The following CENPF variants were observed in gnomAD, a reference collection of about 807,000 sequenced individuals.
The protein encoded by CENPF is centromere protein F.
CENPF carries 214 observed loss-of-function variants against 307.3 expected under a neutral mutation model. That is an observed-to-expected ratio of 0.70 (90% CI 0.62 to 0.78). CENPF has a LOEUF of 0.78. Ranked by LOEUF, CENPF falls within the 30% of genes least tolerant of loss-of-function variation. The pLI is 0.00. For missense variants in CENPF, 3,401 were observed against 3,483.9 expected (o/e 0.98, Z 0.60); for synonymous variants, 1,259 against 1,270.6 (o/e 0.99, Z 0.19).
At chr1:214,606,231 G>A (rs1657027100) in intron 1 of CENPF, among the ~76,000 whole-genome samples, 1 of 152,146 alleles carries the variant, frequency 6.6e-6, no homozygotes, top group Non-Finnish European at 1.5e-5. Flanking sequence ...CACCAGTCCC[G>A]AGGGCCACCC....
chr1:214,613,691 A>C (rs1657258146), intron 1 of CENPF, 23 bp from the exon 2 acceptor site: 1 of 1,457,794 alleles, frequency 6.9e-7, no homozygotes, highest in Non-Finnish European at 9.2e-7. Flanking sequence ...TGGTAAGACC[A>C]ACAGTCTGGT....
At chr1:214,613,069 C>T in intron 1 of CENPF, 1 of 340,262 alleles carries the variant, frequency 2.9e-6, no homozygotes, top group Admixed American at 3.5e-5. Context: ...ATGAATTCTG[C>T]CATTTTGCTA....
rs1428069202 is a variant in CENPF, at chr1:214,608,351, C to T, written c.-42+5030C>T. 5.6e-6 allele frequency: 9 copies of T among 1,610,930 alleles called. No individual in the cohort carries two copies. The East Asian group carries it at 2.0e-4, about 36-fold the overall frequency. Reference sequence around the variant, plus strand: ...GCCTGCCAGGCGGCGTCGATGTCGGCATAGAGGTTCCTCTCGGAAGGCCTA... The same window carrying T: ...GCCTGCCAGGCGGCGTCGATGTCGGTATAGAGGTTCCTCTCGGAAGGCCTA... On this transcript the variant is annotated intron_variant, in intron 1 of 19. Transcript: ENST00000366955.
In CENPF at chr1:214,637,892, T is replaced by C. The variant is rs754339513; in HGVS notation, c.1473T>C (p.Leu491=). Reference sequence around the variant, plus strand: ...AAATGAAGAAGGAAAACAACCTCCTTAAGAGTCACTCTGAGCAAAAGGCCA... The same window carrying C: ...AAATGAAGAAGGAAAACAACCTCCTCAAGAGTCACTCTGAGCAAAAGGCCA... ...MEEMKKENNL[L]KSHSEQKARE... Residue 491 remains leucine, a synonymous_variant, in exon 11 of 20, where the codon CTT becomes CTC. Coordinates refer to ENST00000366955, the MANE Select transcript of CENPF (RefSeq NM_016343.4). The C allele has an allele frequency of 3.1e-6, 5 of 1,611,366 alleles. No homozygotes were observed. In the African/African-American group the frequency reaches 6.7e-5, roughly 22 times the overall value.
At chr1:214,614,105 CT>C (rs1203701914) in intron 2 of CENPF, among the ~76,000 whole-genome samples, 189 bp downstream of exon 2, 3 of 131,532 alleles carry the variant, frequency 2.3e-5, no homozygotes, top group Non-Finnish European at 4.5e-5. Context: ...CCCCAATCCC[CT>C]TCTTTTTTTT....
rs1371004104 is a variant in CENPF, at chr1:214,642,122, A to G, written c.3784A>G (p.Lys1262Glu). 5 of 1,613,620 alleles carry G rather than the reference A, an allele frequency of 3.1e-6. No homozygotes were observed. The African/African-American group carries it at 6.7e-5, about 22-fold the overall frequency. Residue 1262 changes from lysine to glutamate, a missense_variant, in exon 12 of 20, where the codon AAA becomes GAA. By Grantham distance (56) the Lys-to-Glu change is moderately conservative (BLOSUM62 1). Transcript: ENST00000366955. ...DMQSQEISGLKDCEIDAEEKY... is the reference protein window; with the variant it reads ...DMQSQEISGLEDCEIDAEEKY... ...GCAGTCACAAGAAATTAGTGGCCTT[A>G]AAGACTGTGAAATAGATGCGGAAGA... is the stretch of plus-strand genomic sequence containing the variant.
chr1:214,609,463 G>T (rs1404762152), intron 1 of CENPF, among the ~76,000 whole-genome samples: 1 of 152,180 alleles, frequency 6.6e-6, no homozygotes, highest in East Asian at 1.9e-4. Flanking sequence ...GAGGGACAAA[G>T]TGTGAGTGGT....
At position 214,642,023 on chromosome 1, in the gene CENPF, A is replaced by T. The variant is rs1471369267; in HGVS notation, c.3685A>T (p.Lys1229Ter). Residue 1229 changes from lysine to a stop codon, truncating the protein, a stop_gained, in exon 12 of 20, where the codon AAG becomes TAG. Coordinates refer to ENST00000366955, the MANE Select transcript of CENPF (RefSeq NM_016343.4). LOFTEE classifies it high-confidence loss of function. ...GGAATTAAAACTTCAGGAAAGTGAG[A>T]AGGAGAAGGAGTGCCTGCAGCATGA... ...NKELKLQESE[K>*]EKECLQHELQ... The T allele has an allele frequency of 6.2e-7, 1 of 1,610,596 alleles. No individual in the cohort carries two copies. Among genetic ancestry groups the T allele is most frequent in the Non-Finnish European group, 8.5e-7 (1 of 1,179,232 alleles).
Position 214,657,363 on chromosome 1 carries a change from A to G in CENPF, c.8916A>G (p.Glu2972=). The G allele has an allele frequency of 6.2e-7, 1 of 1,612,342 alleles. No individual in the cohort carries two copies. ...GTATTCACCCTGCAGAAGACACGGA[A>G]GGTACTGAGTTTGAGCCAGAGGGAC... ...MSGIHPAEDT[E]GTEFEPEGLP... is the part of the protein sequence containing the mutation. The change falls in exon 18 of 20, where the codon GAA becomes GAG. Residue 2972 remains glutamate, a synonymous_variant. Transcript: ENST00000366955.
intron 17 of CENPF, among the ~76,000 whole-genome samples, chr1:214,656,448 T>C (rs417082): frequency 0.53 from 80,722 of 151,908 alleles, 22,145 homozygotes; most frequent in East Asian, 0.88. Context: ...TTTCATCAGA[T>C]CCTCCATTGC....
chr1:214,638,757 T>C (rs1055923078), intron 11 of CENPF, among the ~76,000 whole-genome samples: 1 of 152,142 alleles, frequency 6.6e-6, no homozygotes, highest in African/African-American at 2.4e-5. Context: ...GAGGCGGAGA[T>C]TGCGCCACTG....
chr1:214,661,226 T>A (rs2102424507), intron 19 of CENPF, among the ~76,000 whole-genome samples: 1 of 152,340 alleles, frequency 6.6e-6, no homozygotes, highest in East Asian at 1.9e-4. Flanking sequence ...TAAGCAATTT[T>A]GTGCACTTGC....
In CENPF at chr1:214,622,245, G is replaced by A; in HGVS notation, c.1032G>A (p.Val344=). 6.2e-7 allele frequency: 1 copy of A among 1,614,084 alleles called. No individual in the cohort carries two copies. The highest frequency in any genetic ancestry group is 8.5e-7 in the Non-Finnish European group (1 of 1,179,978). ...TGAACAAATGTAGGGATGAACTAGT[G>A]AGAACAACAGCACAATACGACCAGG... ...KVLNKCRDEL[V]RTTAQYDQAS... The change falls in exon 7 of 20, where the codon GTG becomes GTA. Residue 344 remains valine (V), a synonymous_variant. Transcript: ENST00000366955.
At position 214,643,243 on chromosome 1, in the gene CENPF, A is replaced by G. The variant is rs1658183864; in HGVS notation, c.4905A>G (p.Ser1635=). The G allele has an allele frequency of 3.1e-6, 5 of 1,590,174 alleles. No homozygotes were observed. The highest frequency in any genetic ancestry group is 4.3e-6 in the Non-Finnish European group (5 of 1,171,682). Residue 1635 remains serine (S), a synonymous_variant, in exon 12 of 20, where the codon TCA becomes TCG. Transcript: ENST00000366955. ...AAEKKQTEQL[S]LELEVARLQL... The stretch of plus-strand genomic sequence containing the variant: ...AAAAGAAACAGACGGAACAACTGTC[A>G]CTTGAGCTGGAAGTAGCACGACTCC...
rs939995596 is a variant in CENPF, at chr1:214,659,694, C to T, written c.9141+666C>T. Among the ~76,000 whole-genome samples, 14 of 152,224 alleles carry T rather than the reference C, an allele frequency of 9.2e-5. No homozygotes were observed. Among genetic ancestry groups the T allele is most frequent in the African/African-American group, 2.7e-4 (11 of 41,468 alleles). ...GTATATGCATTTTATTTATCTTTCT[C>T]ATTTTATTGAACTCTCACAGTAAGT... On this transcript the variant is annotated intron_variant, in intron 19 of 19. Transcript: ENST00000366955. This position sits in a 1 kb window ranked among gnomAD's most constrained non-coding sequence, Gnocchi z 4.4.
chr1:214,616,827 CTTCCTTCCTCTTTCTTTCT>C (rs1413226468), intron 3 of CENPF, among the ~76,000 whole-genome samples: 40 of 144,386 alleles, frequency 2.8e-4, no homozygotes, highest in African/African-American at 1.0e-3. Context: ...TCCTTCTTTC[CTTCCTTCCTCTTTCTTTCT>C]TTCTTTCTTT....
intron 3 of CENPF, 75 bp from the exon 4 acceptor site, chr1:214,618,497 TG>T: frequency 6.6e-7 from 1 of 1,524,952 alleles, no homozygotes; most frequent in South Asian, 1.2e-5. Flanking sequence ...TATTACTCTC[TG>T]GGAATGTAAG....
At position 214,632,562 on chromosome 1, in the gene CENPF, C is replaced by T. The variant is rs768742523; in HGVS notation, c.1406C>T (p.Ala469Val). Residue 469 changes from alanine (A) to valine (V), a missense_variant, in exon 10 of 20, where the codon GCG becomes GTG. Coordinates refer to ENST00000366955, the MANE Select transcript of CENPF (RefSeq NM_016343.4). ...TGCAGAGCTGAACAGGCGTTCCAGG[C>T]GAGTCAGATCAAGGAGAATGAGCTG... ...KLCRAEQAFQ[A>V]SQIKENELRR... 66 of 1,613,936 alleles carry T rather than the reference C, an allele frequency of 4.1e-5. No individual in the cohort carries two copies. The highest frequency in any genetic ancestry group is 1.7e-4 in the Middle Eastern group (1 of 6,056).
chr1:214,644,810 C>T lies in CENPF; in HGVS notation c.5240C>T (p.Ser1747Phe). ...DKTQGSSECI[S>F]ELSFSGPNAL... ...ACCCAGGGCTCTTCAGAATGCATTT[C>T]TGAATTGTCATTTTCTGGTCCTAAT... The change falls in exon 13 of 20, where the codon TCT becomes TTT. Residue 1747 changes from serine to phenylalanine, a missense_variant. Ser to Phe is a radical substitution (Grantham distance 155). Coordinates refer to ENST00000366955, the MANE Select transcript of CENPF (RefSeq NM_016343.4). 6.2e-7 allele frequency: 1 copy of T among 1,613,984 alleles called. No homozygotes were observed. Among genetic ancestry groups the T allele is most frequent in the East Asian group, 2.2e-5 (1 of 44,862 alleles).
Sources: allele counts gnomAD v4.1 joint callset (sites outside exome capture counted in the v4.1 genomes callset), GRCh38; gene constraint gnomAD v4.1.1; non-coding constraint Gnocchi (gnomAD v3.1); transcripts MANE v1.5; gene names NCBI Gene and HGNC (gene_info 2026-07-23, HGNC 2026-07-21).